The following SCNN1B variants were observed in gnomAD, a reference collection of about 807,000 sequenced individuals.
The protein encoded by SCNN1B is sodium channel epithelial 1 subunit beta.
Under a neutral mutation model 65.3 loss-of-function variants are expected in SCNN1B, and 46 were observed. The ratio of observed to expected loss-of-function variants is 0.70; its 90% CI spans 0.56 to 0.90. The LOEUF (loss-of-function observed/expected upper bound fraction) is 0.90. Ranked by LOEUF, SCNN1B falls within the 40% of genes least tolerant of loss-of-function variation. SCNN1B has a pLI of 0.00. For synonymous variants in SCNN1B, 349 were observed against 330.6 expected, an observed-to-expected ratio of 1.06 and a Z score of -0.60; for missense variants, 751 against 830.5, an observed-to-expected ratio of 0.90 and a Z score of 1.18.
At chr16:23,334,336 T>A (rs909749501) in intron 1 of SCNN1B, among the ~76,000 whole-genome samples, 1 of 152,214 alleles carries the variant, frequency 6.6e-6, no homozygotes, top group Non-Finnish European at 1.5e-5. Context: ...AGGGCTCGAA[T>A]GAGTGATAAA....
At chr16:23,346,200 C>CCTTT (rs1962182670) in intron 1 of SCNN1B, among the ~76,000 whole-genome samples, 1 of 78,018 alleles carries the variant, frequency 1.3e-5, no homozygotes, top group Non-Finnish European at 2.3e-5. Context: ...TTTTCCTTTT[C>CCTTT]TTTTTTTTTT....
intron 1 of SCNN1B, among the ~76,000 whole-genome samples, chr16:23,311,270 C>T (rs572505300): frequency 6.6e-6 from 1 of 152,346 alleles, no homozygotes; most frequent in South Asian, 2.1e-4. Flanking sequence ...CCTTCAGGAC[C>T]AATGTAGGCC....
At chr16:23,379,431 AAGGGAGGTCTGCGT>A (rs1414348446) in intron 11 of SCNN1B, among the ~76,000 whole-genome samples, 2 of 152,068 alleles carry the variant, frequency 1.3e-5, no homozygotes, top group East Asian at 3.9e-4. Context: ...CCTGAGAGAT[AAGGGAGGTCTGCGT>A]AGGGAGGTGG....
chr16:23,357,292 G>T (rs1483330052), intron 4 of SCNN1B, among the ~76,000 whole-genome samples: 1 of 152,342 alleles, frequency 6.6e-6, no homozygotes, highest in East Asian at 1.9e-4. Flanking sequence ...CCCTCAAAAT[G>T]CACAGGTGCA....
chr16:23,298,770 C>T (rs1187195747), upstream of SCNN1B, among the ~76,000 whole-genome samples: 4 of 152,240 alleles, frequency 2.6e-5, no homozygotes, highest in South Asian at 8.3e-4. Flanking sequence ...GAACACAACA[C>T]TCTTTGTTCA....
At chr16:23,332,181 A>C (rs996480422) in intron 1 of SCNN1B, among the ~76,000 whole-genome samples, 1 of 150,200 alleles carries the variant, frequency 6.7e-6, no homozygotes, top group Non-Finnish European at 1.5e-5. Context: ...GGCACATGCC[A>C]TCATGCCCAG....
intron 11 of SCNN1B, 140 bp from the exon 12 acceptor site, chr16:23,379,954 G>A (rs145460384): frequency 3.3e-5 from 25 of 749,464 alleles, no homozygotes; most frequent in East Asian, 7.8e-5. Flanking sequence ...ATGTGTGCAC[G>A]GGTGTGTGGG....
Position 23,352,843 on chromosome 16 carries a change from G to C in SCNN1B, c.354G>C (p.Leu118=), listed in dbSNP as rs757294907. 3.1e-6 allele frequency: 5 copies of C among 1,614,068 alleles called. No individual in the cohort carries two copies. Among genetic ancestry groups the C allele is most frequent in the Non-Finnish European group, 4.2e-6 (5 of 1,180,048 alleles). The change falls in exon 3 of 13, where the codon CTG becomes CTC. Residue 118 remains leucine (L), a synonymous_variant. Coordinates refer to ENST00000343070, the MANE Select transcript of SCNN1B (RefSeq NM_000336.3). ...ATTTGCTGAAGGACCTGGATGAGCTGATGGAAGCTGTCCTGGAGAGAATCC... is the reference window on the plus strand; with the variant it reads ...ATTTGCTGAAGGACCTGGATGAGCTCATGGAAGCTGTCCTGGAGAGAATCC... ...IKHLLKDLDE[L]MEAVLERILA...
intron 1 of SCNN1B, among the ~76,000 whole-genome samples, chr16:23,282,818 G>A (rs961321092): frequency 4.6e-5 from 7 of 152,224 alleles, no homozygotes; most frequent in Admixed American, 2.0e-4. Context: ...GTAATTAAAA[G>A]TAGGTGTAAA....
chr16:23,300,993 C>CGTGTGTGTGTGTGTGTGTGTGT (rs60930177), upstream of SCNN1B, among the ~76,000 whole-genome samples: 37 of 148,474 alleles, frequency 2.5e-4, 1 homozygote, highest in African/African-American at 7.9e-4. Flanking sequence ...GTTAAAAACA[C>CGTGTGTGTGTGTGTGTGTGTGT]GTGTGTGTGT....
At chr16:23,343,495 GAAGGAAGGAAGGAA>G (rs1238178372) in intron 1 of SCNN1B, among the ~76,000 whole-genome samples, 1,225 of 86,668 alleles carry the variant, frequency 0.014, 42 homozygotes, top group Middle Eastern at 0.066. Context: ...AGGAAGGAAG[GAAGGAAGGAAGGAA>G]AAGGAAGGAA....
chr16:23,377,028 A>G (rs1596888683), intron 8 of SCNN1B, 137 bp from the exon 9 acceptor site: 1 of 806,600 alleles, frequency 1.2e-6, no homozygotes, highest in South Asian at 1.5e-5. Context: ...GGGAGCGGTG[A>G]TTTTTCATGA....
chr16:23,366,459 T>C (rs989549510), intron 4 of SCNN1B, among the ~76,000 whole-genome samples: 2 of 151,842 alleles, frequency 1.3e-5, no homozygotes, highest in Non-Finnish European at 2.9e-5. Flanking sequence ...CTCAGTTGGG[T>C]GCAGTGGCTC....
intron 4 of SCNN1B, among the ~76,000 whole-genome samples, chr16:23,360,741 A>G (rs1962534641): frequency 6.6e-6 from 1 of 151,618 alleles, no homozygotes; most frequent in African/African-American, 2.4e-5. Context: ...GATGACAGGC[A>G]TGCACCACCA....
At chr16:23,327,657 A>G (rs1475188950) in intron 1 of SCNN1B, among the ~76,000 whole-genome samples, 1 of 152,156 alleles carries the variant, frequency 6.6e-6, no homozygotes, top group Non-Finnish European at 1.5e-5. Flanking sequence ...GTTTCTTGCC[A>G]TGAGTGTCTG....
chr16:23,350,926 AAAAG>A (rs914626111), intron 2 of SCNN1B, among the ~76,000 whole-genome samples: 3 of 151,480 alleles, frequency 2.0e-5, no homozygotes, highest in African/African-American at 7.3e-5. Context: ...TAAAAAAAAG[AAAAG>A]AAAGAAAGCA....
At chr16:23,328,101 G>T (rs1398041261) in intron 1 of SCNN1B, among the ~76,000 whole-genome samples, 1 of 152,174 alleles carries the variant, frequency 6.6e-6, no homozygotes, top group Non-Finnish European at 1.5e-5. Context: ...AAGTGGGAAG[G>T]TGTTTTATCT....
intron 1 of SCNN1B, among the ~76,000 whole-genome samples, chr16:23,343,963 G>T (rs890171632): frequency 6.6e-6 from 1 of 152,186 alleles, no homozygotes; most frequent in African/African-American, 2.4e-5. Context: ...AAAGTTGTTT[G>T]CAGCACTTAC....
chr16:23,305,969 G>A (rs559017305), intron 1 of SCNN1B, among the ~76,000 whole-genome samples: 5 of 152,182 alleles, frequency 3.3e-5, no homozygotes, highest in East Asian at 1.9e-4. Context: ...CAGGCCAGGC[G>A]CAGTGGCTCA....
Sources: gnomAD v4.1 joint callset for allele counts (sites outside exome capture counted in the v4.1 genomes callset) on GRCh38, gnomAD v4.1.1 for gene constraint, MANE v1.5 for transcripts, NCBI Gene and HGNC (gene_info 2026-07-23, HGNC 2026-07-21) for gene names.